Variants in CLIC2 observed in about 807,000 individuals in gnomAD.
CLIC2 encodes the protein chloride intracellular channel protein 2.
A neutral mutation model predicts 14.8 loss-of-function variants in CLIC2; 9 were observed. That is an observed-to-expected ratio of 0.61 (90% CI 0.37 to 1.06). The LOEUF (loss-of-function observed/expected upper bound fraction) is 1.06. Among genes scored for constraint, CLIC2 ranks in the 50% least tolerant of loss-of-function variants. The probability of loss-of-function intolerance (pLI) is 0.01; values close to 1 mark genes in which losing one functional copy is unlikely to be tolerated. For missense variants in CLIC2, 148 were observed against 181.4 expected (o/e 0.82, Z 1.06); for synonymous variants, 61 against 66.3 (o/e 0.92, Z 0.39).
At chrX:155,281,738 T>C (rs1557316515) in intron 3 of CLIC2, among the ~76,000 whole-genome samples, 1 of 111,377 alleles carries the variant, frequency 9.0e-6, no homozygotes, top group African/African-American at 3.3e-5. Context: ...TACTTGTCCC[T>C]CATACACCTG....
intron 1 of CLIC2, among the ~76,000 whole-genome samples, chrX:155,324,914 C>A (rs1301625080): frequency 1.8e-5 from 2 of 111,670 alleles, no homozygotes; most frequent in Non-Finnish European, 3.8e-5. Context: ...AATAAATTTA[C>A]AAGAAAAAAC....
chrX:155,318,787 A>T (rs2075103551), intron 1 of CLIC2, among the ~76,000 whole-genome samples: 1 of 112,218 alleles, frequency 8.9e-6, no homozygotes, highest in Non-Finnish European at 1.9e-5. Context: ...ATCTGGAGGC[A>T]TCTCATTACC....
At chrX:155,326,511 A>G (rs1557322341) in intron 1 of CLIC2, among the ~76,000 whole-genome samples, 1 of 112,129 alleles carries the variant, frequency 8.9e-6, no homozygotes, top group African/African-American at 3.2e-5. Context: ...CCACACTGGA[A>G]AGCACTTTGG....
chrX:155,297,358 C>T (rs2074995758), intron 3 of CLIC2, among the ~76,000 whole-genome samples: 1 of 110,433 alleles, frequency 9.1e-6, no homozygotes, highest in African/African-American at 3.3e-5. Context: ...TTAAAAAGTA[C>T]ACACATAAAT....
chrX:155,322,049 A>G (rs1252958278), intron 1 of CLIC2, among the ~76,000 whole-genome samples: 3 of 111,730 alleles, frequency 2.7e-5, no homozygotes, highest in Non-Finnish European at 5.6e-5. Flanking sequence ...AGGAGCAACC[A>G]GATTCATAAA....
intron 3 of CLIC2, among the ~76,000 whole-genome samples, chrX:155,291,755 A>C (rs2074965998): frequency 8.9e-6 from 1 of 112,668 alleles, no homozygotes; most frequent in African/African-American, 3.2e-5. Context: ...ATACAAGTTA[A>C]GTATCAATGA....
intron 3 of CLIC2, among the ~76,000 whole-genome samples, chrX:155,282,372 A>C (rs191616248): frequency 9.0e-6 from 1 of 111,545 alleles, no homozygotes; most frequent in East Asian, 2.8e-4. Context: ...TCTCCAACCC[A>C]CAGTATGGAG....
At chrX:155,301,633 G>C (rs2124181046) in intron 1 of CLIC2, among the ~76,000 whole-genome samples, 1 of 75,312 alleles carries the variant, frequency 1.3e-5, no homozygotes, top group South Asian at 9.0e-4. Flanking sequence ...GGAGTGGTGA[G>C]AGAGGGCATC....
At chrX:155,310,099 C>T (rs1032934421) in intron 1 of CLIC2, 1 of 112,581 alleles carries the variant, frequency 8.9e-6, no homozygotes, top group Non-Finnish European at 1.9e-5. Context: ...AGAAATTGGC[C>T]AAAACAAAGG....
intron 1 of CLIC2, among the ~76,000 whole-genome samples, chrX:155,304,629 T>C (rs2124187512): frequency 9.6e-6 from 1 of 103,733 alleles, no homozygotes; most frequent in South Asian, 4.8e-4. Context: ...GGTGAGGAAC[T>C]GCGTTCCTTT....
intron 1 of CLIC2, among the ~76,000 whole-genome samples, chrX:155,305,404 A>G (rs1326840111): frequency 3.5e-5 from 4 of 112,719 alleles, no homozygotes; most frequent in Non-Finnish European, 3.8e-5. Flanking sequence ...GCTCTTCCCA[A>G]GTGAGGCAAT....
intron 1 of CLIC2, among the ~76,000 whole-genome samples, chrX:155,326,593 A>G (rs782365509): frequency 2.7e-5 from 3 of 112,045 alleles, no homozygotes; most frequent in Non-Finnish European, 3.8e-5. Context: ...TTTATCTCAG[A>G]GAAATGAAAA....
At chrX:155,286,189 T>C (rs2074942253) in intron 3 of CLIC2, among the ~76,000 whole-genome samples, 1 of 111,675 alleles carries the variant, frequency 9.0e-6, no homozygotes. Context: ...TGTTCATGAG[T>C]TCTCATCATT....
rs782441901 is a variant in CLIC2 at position 155,284,111 on chromosome X, C to T, written c.294-4043G>A. Among the ~76,000 whole-genome samples the T allele has an allele frequency of 1.1e-4, 12 of 111,235 alleles. No homozygotes were observed. The South Asian group carries it at 4.5e-3, about 42-fold the overall frequency. ...CTGAAATTTAGCCAGAATTGAGAGCCTAGTCTTCTCAGTTCTTTTGTGAGC... is the reference window on the plus strand; with the variant it reads ...CTGAAATTTAGCCAGAATTGAGAGCTTAGTCTTCTCAGTTCTTTTGTGAGC... On this transcript the variant is annotated intron_variant, in intron 3 of 5. Coordinates refer to ENST00000369449, the MANE Select transcript of CLIC2 (RefSeq NM_001289.6).
At position 155,298,765 on chromosome X, in the gene CLIC2, G is replaced by A. The variant is rs781849311; in HGVS notation, c.293+20C>T. On this transcript the variant is annotated intron_variant, in intron 3 of 5. Coordinates refer to ENST00000369449, the MANE Select transcript of CLIC2 (RefSeq NM_001289.6). Reference sequence around the variant, plus strand: ...AAAATAGATTATCTTCAGCAAAATAGTATCTTGTAAATGCTGTACCTTGGA... The same window carrying A: ...AAAATAGATTATCTTCAGCAAAATAATATCTTGTAAATGCTGTACCTTGGA... The A allele has an allele frequency of 5.0e-6, 6 of 1,204,863 alleles. No homozygotes were observed. The South Asian group carries it at 1.1e-4, about 21-fold the overall frequency.
intron 1 of CLIC2, among the ~76,000 whole-genome samples, chrX:155,314,044 GGA>G (rs1234075170): frequency 2.7e-5 from 3 of 111,020 alleles, no homozygotes; most frequent in African/African-American, 9.8e-5. Flanking sequence ...CTACACTCAA[GGA>G]GAGTCTGAGC....
Position 155,318,671 on chromosome X carries a change from T to A in CLIC2, c.57+15700A>T, listed in dbSNP as rs147429701. ...ATCTACAAATTCAATGCAATTCCCA[T>A]GAAAATACCACTGTCATTCTTCACG... On this transcript the variant is annotated intron_variant, in intron 1 of 5. Coordinates refer to ENST00000369449, the MANE Select transcript of CLIC2 (RefSeq NM_001289.6). Among the ~76,000 whole-genome samples the A allele has an allele frequency of 6.9e-3, 775 of 111,993 alleles. 7 individuals are homozygous for A. The highest frequency in any genetic ancestry group is 0.024 in the African/African-American group (735 of 30,806).
chrX:155,306,322 C>A (rs1194388713), intron 1 of CLIC2, among the ~76,000 whole-genome samples: 1 of 111,597 alleles, frequency 9.0e-6, no homozygotes, highest in African/African-American at 3.3e-5. Flanking sequence ...CTCTCTTGTT[C>A]CCACTTTCAG....
intron 3 of CLIC2, among the ~76,000 whole-genome samples, chrX:155,291,906 C>CCG (rs1434476445): frequency 8.9e-6 from 1 of 112,099 alleles, no homozygotes; most frequent in Non-Finnish European, 1.9e-5. Flanking sequence ...AGCGCTGCCG[C>CCG]CGCCGCAGGA....
Sources: allele counts gnomAD v4.1 joint callset (sites outside exome capture counted in the v4.1 genomes callset), GRCh38; gene constraint gnomAD v4.1.1; transcripts MANE v1.5; gene names NCBI Gene and HGNC (gene_info 2026-07-23, HGNC 2026-07-21).